Variants in ZNF442 observed in about 807,000 individuals in gnomAD.
The protein encoded by ZNF442 is zinc finger protein 442.
In ZNF442, 45 loss-of-function variants were observed where a neutral mutation model predicts 57.0. The observed-to-expected ratio is 0.79, with a 90% CI of 0.62 to 1.01. The LOEUF is 1.01. Among genes scored for constraint, ZNF442 ranks in the 50% least tolerant of loss-of-function variants. The pLI is 0.00. For missense variants in ZNF442, 690 were observed against 756.5 expected (o/e 0.91, Z 1.03); for synonymous variants, 213 against 241.8 (o/e 0.88, Z 1.10).
rs1283339478 is a variant in ZNF442, at chr19:12,346,473, C to T, written c.*3228G>A. 4 of 152,118 alleles carry T rather than the reference C, an allele frequency of 2.6e-5. No homozygotes were observed. Among genetic ancestry groups the T allele is most frequent in the Admixed American group, 2.6e-4 (4 of 15,260 alleles). The allele number at this position is 152,118 out of a possible 1,614,324, so 9.4% of individuals were successfully genotyped here. A position where few individuals can be genotyped will look rare whatever the true frequency, so the allele number is the denominator to read the frequency against. ...TGTGACAATGTGGAAAATAGAAACC[C>T]TTATGCATTGCTGGAGAGAATGTAA... On this transcript the variant is annotated 3_prime_UTR_variant, in exon 6 of 6. Coordinates refer to ENST00000242804, the MANE Select transcript of ZNF442 (RefSeq NM_030824.3).
chr19:12,370,479 C>CAT (rs1365720062), upstream of ZNF442, among the ~76,000 whole-genome samples: 1 of 152,026 alleles, frequency 6.6e-6, no homozygotes, highest in Non-Finnish European at 1.5e-5. Context: ...TGGTACCGAT[C>CAT]CATGGCCCAG....
In ZNF442 at chr19:12,347,063, A is replaced by G. The variant is rs534762997; in HGVS notation, c.*2638T>C. 10 of 152,352 alleles carry G rather than the reference A, an allele frequency of 6.6e-5. No homozygotes were observed. Among genetic ancestry groups the G allele is most frequent in the African/African-American group, 2.4e-4 (10 of 41,590 alleles). 9.4% of individuals were successfully genotyped at this position (152,352 alleles called of 1,614,324 possible). A position where few individuals can be genotyped will look rare whatever the true frequency, so the allele number is the denominator to read the frequency against. On this transcript the variant is annotated 3_prime_UTR_variant, in exon 6 of 6. Transcript: ENST00000242804. ...TGTACCAGCACTGTAAGAGGCTTCC[A>G]GATGAGCAGTTCCAGTGGTTAATGT...
At chr19:12,359,980 G>GAA (rs112367863) in intron 3 of ZNF442, among the ~76,000 whole-genome samples, 1 of 146,338 alleles carries the variant, frequency 6.8e-6, no homozygotes. Flanking sequence ...AGACTCTCAA[G>GAA]AAAAAAAAAA....
At chr19:12,353,221 A>G (rs1319334890) in intron 3 of ZNF442, 107 bp from the exon 4 acceptor site, 2 of 1,237,442 alleles carry the variant, frequency 1.6e-6, no homozygotes, top group Admixed American at 5.3e-5. Flanking sequence ...CAATGATTCA[A>G]TGACATGGTA....
chr19:12,366,821 G>A (rs1969537519), upstream of ZNF442, among the ~76,000 whole-genome samples: 1 of 152,150 alleles, frequency 6.6e-6, no homozygotes, highest in South Asian at 2.1e-4. Context: ...TTTTAGTAGA[G>A]ACAGGGTTTC....
At chr19:12,370,866 G>A (rs374006435), upstream of ZNF442, among the ~76,000 whole-genome samples, 18 of 151,500 alleles carry the variant, frequency 1.2e-4, no homozygotes, top group African/African-American at 3.9e-4. Context: ...CCAGCTACTC[G>A]GGAGGCTGAG....
chr19:12,352,180 T>C, intron 4 of ZNF442, 110 bp from the exon 5 acceptor site: 2 of 1,040,672 alleles, frequency 1.9e-6, no homozygotes, highest in East Asian at 5.0e-5. Context: ...GAATTGTAGC[T>C]GACTCTTGAA....
intron 3 of ZNF442, among the ~76,000 whole-genome samples, chr19:12,360,490 C>T (rs1969406059): frequency 6.6e-6 from 1 of 152,240 alleles, no homozygotes. Context: ...CGGCCTCAGG[C>T]CTCTCCACCC....
At chr19:12,353,898 G>A (rs1969284310) in intron 3 of ZNF442, among the ~76,000 whole-genome samples, 1 of 152,112 alleles carries the variant, frequency 6.6e-6, no homozygotes, top group Admixed American at 6.6e-5. Context: ...AAAGAGACCT[G>A]GGCTAGACAC....
rs533050667 is a variant in ZNF442 at position 12,347,523 on chromosome 19, G to C, written c.*2178C>G. On this transcript the variant is annotated 3_prime_UTR_variant, in exon 6 of 6. Transcript: ENST00000242804. ...TGAAGACTTTATTGAGGAACACATT[G>C]ACAGGACAAGAGCACCGCCATCTTT... The C allele has an allele frequency of 1.1e-4, 17 of 152,350 alleles. No individual in the cohort carries two copies. Among genetic ancestry groups the C allele is most frequent in the African/African-American group, 4.1e-4 (17 of 41,574 alleles). The allele number at this position is 152,350 out of a possible 1,614,324, so 9.4% of individuals were successfully genotyped here. A position where few individuals can be genotyped will look rare whatever the true frequency, so the allele number is the denominator to read the frequency against.
At chr19:12,356,959 T>G (rs1178909266) in intron 3 of ZNF442, among the ~76,000 whole-genome samples, 1 of 152,104 alleles carries the variant, frequency 6.6e-6, no homozygotes, top group Non-Finnish European at 1.5e-5. Flanking sequence ...GTGTTAGCAC[T>G]TAGGGACAAA....
chr19:12,351,129 T>C lies in ZNF442; in HGVS notation c.456A>G (p.Pro152=). ...PDECQEYGEK[P]HTHKQCGTAF... ...CTGTCCCACATTGTTTATGTGTATG[T>C]GGCTTCTCTCCATATTCCTGACACT... is the stretch of plus-strand genomic sequence containing the variant. The change falls in exon 6 of 6, where the codon CCA becomes CCG. Residue 152 remains proline (P), a synonymous_variant. Transcript: ENST00000242804. 1 of 1,614,164 alleles carries C rather than the reference T, an allele frequency of 6.2e-7. No individual in the cohort carries two copies. The highest frequency in any genetic ancestry group is 2.2e-5 in the East Asian group (1 of 44,876).
chr19:12,348,881 A>G lies in ZNF442; in HGVS notation c.*820T>C, dbSNP rs1969166985. 6.6e-6 allele frequency: 1 copy of G among 151,892 alleles called. No individual in the cohort carries two copies. The highest frequency in any genetic ancestry group is 2.4e-5 in the African/African-American group (1 of 41,354). 9.4% of individuals were successfully genotyped at this position (151,892 alleles called of 1,614,324 possible). A position where few individuals can be genotyped will look rare whatever the true frequency, so the allele number is the denominator to read the frequency against. On this transcript the variant is annotated 3_prime_UTR_variant, in exon 6 of 6. Coordinates refer to ENST00000242804, the MANE Select transcript of ZNF442 (RefSeq NM_030824.3). The stretch of plus-strand genomic sequence containing the variant: ...GGTCATTAAATAAAAGCAATCTATG[A>G]TTGTTGAAAAAAAAGAAACTGTAGA...
In ZNF442 at chr19:12,350,357, A is replaced by G. The variant is rs1401445504; in HGVS notation, c.1228T>C (p.Cys410Arg). The change falls in exon 6 of 6, where the codon TGT (cysteine) becomes CGT (arginine). Residue 410 changes from cysteine to arginine, a missense_variant. Coordinates refer to ENST00000242804, the MANE Select transcript of ZNF442 (RefSeq NM_030824.3). ...CTGGGATAAATGAAGGCTTTCCCAC[A>G]TACCTTGCATTTGTGAGGTCCATCT... Reference protein sequence around the residue: ...TGDGPHKCKVCGKAFIYPSVF... With the variant: ...TGDGPHKCKVRGKAFIYPSVF... 6.2e-7 allele frequency: 1 copy of G among 1,613,920 alleles called. No homozygotes were observed. The highest frequency in any genetic ancestry group is 1.1e-5 in the South Asian group (1 of 91,082).
intron 3 of ZNF442, among the ~76,000 whole-genome samples, chr19:12,363,001 A>G (rs1969463530): frequency 6.7e-6 from 1 of 149,874 alleles, no homozygotes; most frequent in African/African-American, 2.5e-5. Flanking sequence ...AAACAAAACA[A>G]AAAAAAAATT....
In ZNF442 at chr19:12,349,729, T is replaced by C. The variant is rs185313320; in HGVS notation, c.1856A>G (p.Lys619Arg). The C allele has an allele frequency of 2.2e-5, 36 of 1,612,030 alleles. No individual in the cohort carries two copies. In the East Asian group the frequency reaches 7.6e-4, roughly 34 times the overall value. ...LSSLSSLHRH[K>R]RTHWRDTL ...TAGAGTATCTCTCCAGTGAGTCCTT[T>C]TATGTCTATGCAAGGAACTGAGAGA... Residue 619 changes from lysine (K) to arginine (R), a missense_variant, in exon 6 of 6, where the codon AAA (lysine) becomes AGA (arginine). Transcript: ENST00000242804.
At chr19:12,354,073 T>C (rs1345493958) in intron 3 of ZNF442, among the ~76,000 whole-genome samples, 1 of 152,174 alleles carries the variant, frequency 6.6e-6, no homozygotes, top group East Asian at 1.9e-4. Context: ...CTTCAGGTAT[T>C]CTGTTATAAG....
chr19:12,357,168 A>G (rs903463795), intron 3 of ZNF442, among the ~76,000 whole-genome samples: 1 of 152,036 alleles, frequency 6.6e-6, no homozygotes, highest in Non-Finnish European at 1.5e-5. Context: ...CTTTGGAGTC[A>G]ATTAAATATT....
At chr19:12,357,701 T>C (rs1969356688) in intron 3 of ZNF442, among the ~76,000 whole-genome samples, 1 of 152,012 alleles carries the variant, frequency 6.6e-6, no homozygotes, top group Admixed American at 6.6e-5. Context: ...AATCCTGAAA[T>C]GTGCATTCCT....
Sources: allele counts gnomAD v4.1 joint callset (sites outside exome capture counted in the v4.1 genomes callset), GRCh38; gene constraint gnomAD v4.1.1; transcripts MANE v1.5; gene names NCBI Gene and HGNC (gene_info 2026-07-23, HGNC 2026-07-21).